Variants in PGCKA1 observed in about 807,000 individuals in gnomAD.
PGCKA1 encodes PDCD10 and GCKIII kinases-associated protein 1.
At chr4:37,483,216 C>G in the PGCKA1 span, among the ~76,000 whole-genome samples, 5 of 152,110 alleles carry the variant, frequency 3.3e-5, no homozygotes, top group Non-Finnish European at 7.4e-5. Context: ...AGTTTGCTTC[C>G]CCTTCTTTCA....
At chr4:37,536,300 A>G in the PGCKA1 span, among the ~76,000 whole-genome samples, 11,390 of 152,278 alleles carry the variant, frequency 0.075, 1,456 homozygotes, top group African/African-American at 0.26. Context: ...AAGTCCAACT[A>G]AAGAGATGCA....
the PGCKA1 span, among the ~76,000 whole-genome samples, chr4:37,555,260 A>G: frequency 7.9e-5 from 12 of 152,292 alleles, no homozygotes; most frequent in African/African-American, 2.2e-4. Flanking sequence ...AGCACTCTAC[A>G]TGGCACTTCT....
the PGCKA1 span, chr4:37,590,832 T>A: frequency 1.2e-6 from 2 of 1,614,134 alleles, no homozygotes; most frequent in East Asian, 4.5e-5. Context: ...ATGAGAAGGG[T>A]CCTGTTCATG....
the PGCKA1 span, among the ~76,000 whole-genome samples, chr4:37,453,333 C>A: frequency 1.3e-3 from 203 of 151,996 alleles, no homozygotes; most frequent in African/African-American, 4.6e-3. Flanking sequence ...GAGGAGGGGA[C>A]GGGGAACCAG....
At chr4:37,465,205 C>T in the PGCKA1 span, among the ~76,000 whole-genome samples, 2 of 151,838 alleles carry the variant, frequency 1.3e-5, no homozygotes, top group South Asian at 2.1e-4. Context: ...AGGGCCCATT[C>T]CAATTAGTGA....
At chr4:37,519,216 T>C in the PGCKA1 span, among the ~76,000 whole-genome samples, 1 of 152,212 alleles carries the variant, frequency 6.6e-6, no homozygotes, top group African/African-American at 2.4e-5. Flanking sequence ...TCCAGTTTTG[T>C]TCTTTTTGCT....
the PGCKA1 span, among the ~76,000 whole-genome samples, chr4:37,462,360 A>G: frequency 1.3e-5 from 2 of 152,222 alleles, no homozygotes; most frequent in Admixed American, 6.5e-5. Flanking sequence ...TCCAAGCACA[A>G]TTCTCTATCT....
At chr4:37,587,028 G>T in the PGCKA1 span, among the ~76,000 whole-genome samples, 2 of 151,848 alleles carry the variant, frequency 1.3e-5, no homozygotes, top group African/African-American at 4.8e-5. Flanking sequence ...AGGGATCAAG[G>T]TGTCACCGGG....
At chr4:37,525,609 T>C in the PGCKA1 span, among the ~76,000 whole-genome samples, 2 of 152,130 alleles carry the variant, frequency 1.3e-5, no homozygotes, top group Non-Finnish European at 2.9e-5. Context: ...CTGCAGAAAA[T>C]ATATTGCAGT....
chr4:37,468,204 C>A, the PGCKA1 span, among the ~76,000 whole-genome samples: 2 of 152,168 alleles, frequency 1.3e-5, no homozygotes, highest in Non-Finnish European at 2.9e-5. Context: ...TCTCATAGGT[C>A]CTTTTCACAC....
chr4:37,572,576 C>T, the PGCKA1 span, among the ~76,000 whole-genome samples: 1 of 152,068 alleles, frequency 6.6e-6, no homozygotes, highest in Non-Finnish European at 1.5e-5. Flanking sequence ...TCCTTTAGCT[C>T]TCAAATCAGT....
chr4:37,535,682 C>CTG, the PGCKA1 span, among the ~76,000 whole-genome samples: 1 of 152,136 alleles, frequency 6.6e-6, no homozygotes, highest in African/African-American at 2.4e-5. Context: ...ATTTCATGAC[C>CTG]TGCGCTTTTC....
At chr4:37,557,228 C>T in the PGCKA1 span, among the ~76,000 whole-genome samples, 1,147 of 152,292 alleles carry the variant, frequency 7.5e-3, 4 homozygotes, top group Middle Eastern at 0.02. Flanking sequence ...AAATACCACA[C>T]ATTTATTCAT....
chr4:37,510,530 G>A, the PGCKA1 span, among the ~76,000 whole-genome samples: 1 of 152,072 alleles, frequency 6.6e-6, no homozygotes, highest in African/African-American at 2.4e-5. Flanking sequence ...AGAGACTCTT[G>A]TTCTCTCCCC....
chr4:37,557,160 C>A, the PGCKA1 span, among the ~76,000 whole-genome samples: 1 of 152,138 alleles, frequency 6.6e-6, no homozygotes, highest in African/African-American at 2.4e-5. Flanking sequence ...ACTTGTTTTA[C>A]TTTCTTAAGT....
chr4:37,487,873 G>C, the PGCKA1 span, among the ~76,000 whole-genome samples: 1 of 152,058 alleles, frequency 6.6e-6, no homozygotes, highest in Non-Finnish European at 1.5e-5. Context: ...TTGCTCAGTA[G>C]TATAATATTT....
chr4:37,507,026 A>G, the PGCKA1 span, among the ~76,000 whole-genome samples: 1 of 152,092 alleles, frequency 6.6e-6, no homozygotes, highest in African/African-American at 2.4e-5. Flanking sequence ...CTTTATTATT[A>G]CATAATGACC....
At chr4:37,537,681 A>G in the PGCKA1 span, among the ~76,000 whole-genome samples, 1 of 152,184 alleles carries the variant, frequency 6.6e-6, no homozygotes, top group Non-Finnish European at 1.5e-5. Context: ...AAGTTATTCA[A>G]CTTCCTGTGT....
chr4:37,565,640 A>C, the PGCKA1 span, among the ~76,000 whole-genome samples: 1 of 152,114 alleles, frequency 6.6e-6, no homozygotes, highest in Non-Finnish European at 1.5e-5. Context: ...TTTTGACCCC[A>C]CCATTGCTTG....
Sources: gnomAD v4.1 joint callset for allele counts (sites outside exome capture counted in the v4.1 genomes callset) on GRCh38, gnomAD v4.1.1 for gene constraint, MANE v1.5 for transcripts, NCBI Gene and HGNC (gene_info 2026-07-23, HGNC 2026-07-21) for gene names.